The following BTRC variants were observed in gnomAD, a reference collection of about 807,000 sequenced individuals.
BTRC encodes beta-transducin repeat containing E3 ubiquitin protein ligase.
In BTRC, 42 loss-of-function variants were observed where a neutral mutation model predicts 85.5. The observed-to-expected ratio is 0.49, with a 90% CI of 0.38 to 0.64. The LOEUF (loss-of-function observed/expected upper bound fraction) is 0.64, where lower values mean the gene tolerates loss of function less well. Ranked by LOEUF, BTRC falls within the 30% of genes least tolerant of loss-of-function variation. The pLI is 0.00. For missense variants in BTRC, 594 were observed against 743.5 expected, an observed-to-expected ratio of 0.80 and a Z score of 2.34; for synonymous variants, 255 against 263.3, an observed-to-expected ratio of 0.97 and a Z score of 0.30.
At chr10:101,380,421 A>G (rs1358303972) in intron 1 of BTRC, among the ~76,000 whole-genome samples, 2 of 151,980 alleles carry the variant, frequency 1.3e-5, no homozygotes, top group African/African-American at 2.4e-5. Context: ...CAAAAATGCA[A>G]ACTTGGGGAG....
intron 2 of BTRC, among the ~76,000 whole-genome samples, chr10:101,430,976 G>A (rs1944387097): frequency 6.7e-6 from 1 of 150,328 alleles, no homozygotes; most frequent in Non-Finnish European, 1.5e-5. Flanking sequence ...TTTCTAGGTG[G>A]AAAAACCTTT....
At chr10:101,402,911 C>T (rs1239040757) in intron 1 of BTRC, among the ~76,000 whole-genome samples, 1 of 152,108 alleles carries the variant, frequency 6.6e-6, no homozygotes, top group African/African-American at 2.4e-5. Context: ...ATAATGATAT[C>T]AGACTAGTAA....
chr10:101,413,151 G>GT (rs1943828895), intron 1 of BTRC, among the ~76,000 whole-genome samples: 1 of 152,116 alleles, frequency 6.6e-6, no homozygotes, highest in African/African-American at 2.4e-5. Flanking sequence ...TTGAGATGGA[G>GT]TCTTGCTCTG....
At chr10:101,423,630 G>A (rs1259855546) in intron 1 of BTRC, among the ~76,000 whole-genome samples, 4 of 152,114 alleles carry the variant, frequency 2.6e-5, no homozygotes, top group African/African-American at 7.2e-5. Flanking sequence ...TTGTCATTTA[G>A]GCACTATAAC....
At chr10:101,372,824 C>A (rs1222962954) in intron 1 of BTRC, among the ~76,000 whole-genome samples, 1 of 151,868 alleles carries the variant, frequency 6.6e-6, no homozygotes, top group Non-Finnish European at 1.5e-5. Flanking sequence ...CATGCCACTG[C>A]ACTGCAGCCT....
At chr10:101,364,558 T>C (rs1942308585) in intron 1 of BTRC, among the ~76,000 whole-genome samples, 1 of 152,206 alleles carries the variant, frequency 6.6e-6, no homozygotes, top group South Asian at 2.1e-4. Context: ...GGTGCTGATA[T>C]ATTTAGATGT....
At chr10:101,370,907 C>A (rs1195001387) in intron 1 of BTRC, among the ~76,000 whole-genome samples, 1 of 152,140 alleles carries the variant, frequency 6.6e-6, no homozygotes, top group African/African-American at 2.4e-5. Flanking sequence ...TATCTGCACA[C>A]ACAGACACAC....
chr10:101,500,022 TA>T (rs923586982), intron 4 of BTRC, among the ~76,000 whole-genome samples: 3 of 151,502 alleles, frequency 2.0e-5, no homozygotes, highest in African/African-American at 4.9e-5. Context: ...CATGAGCTCT[TA>T]ATAAAGTTTT....
intron 1 of BTRC, among the ~76,000 whole-genome samples, chr10:101,380,831 G>A (rs1942910193): frequency 1.3e-5 from 2 of 152,204 alleles, no homozygotes; most frequent in African/African-American, 2.4e-5. Flanking sequence ...AGGTGATTAA[G>A]TGGTTGTGTG....
chr10:101,518,721 G>A (rs956855486), intron 4 of BTRC, among the ~76,000 whole-genome samples: 1 of 152,058 alleles, frequency 6.6e-6, no homozygotes, highest in African/African-American at 2.4e-5. Flanking sequence ...ATCCCAGGCC[G>A]ACTGCCACCC....
intron 1 of BTRC, among the ~76,000 whole-genome samples, chr10:101,416,826 C>T (rs1943958537): frequency 6.6e-6 from 1 of 152,152 alleles, no homozygotes; most frequent in Admixed American, 6.5e-5. Context: ...TTCTCTCTCT[C>T]ATGGCTTCCA....
rs535656002 is a variant in BTRC, at chr10:101,387,528, CTTT to C, written c.48+33316_48+33318del. Among the ~76,000 whole-genome samples the C allele has an allele frequency of 1.6e-3, 70 of 45,090 alleles. 1 individual carries two copies. The highest frequency in any genetic ancestry group is 2.5e-3 in the South Asian group (2 of 816). 29.6% of individuals were successfully genotyped at this position (45,090 alleles called of 152,430 possible). On this transcript the variant is annotated intron_variant, in intron 1 of 14. Coordinates refer to ENST00000370187, the MANE Select transcript of BTRC (RefSeq NM_033637.4). ...TGTGGCTTTTTATACCTTCATGGGA[CTTT>C]TTTTTTTTTTTTTTTGAGATAGCCT...
At chr10:101,449,183 G>A (rs1944899970) in intron 2 of BTRC, among the ~76,000 whole-genome samples, 1 of 151,742 alleles carries the variant, frequency 6.6e-6, no homozygotes, top group Non-Finnish European at 1.5e-5. Context: ...AAGTTTAAAG[G>A]AATCTTAAAT....
chr10:101,362,916 A>G (rs554526911), intron 1 of BTRC, among the ~76,000 whole-genome samples: 6 of 152,244 alleles, frequency 3.9e-5, no homozygotes, highest in African/African-American at 1.4e-4. Context: ...TTGCATTATT[A>G]TATGTAATCT....
At chr10:101,532,711 A>C (rs2062305243) in intron 8 of BTRC, among the ~76,000 whole-genome samples, 1 of 151,260 alleles carries the variant, frequency 6.6e-6, no homozygotes, top group Non-Finnish European at 1.5e-5. Flanking sequence ...CCTGTTCCTT[A>C]ATGAAAAGGA....
intron 1 of BTRC, among the ~76,000 whole-genome samples, chr10:101,386,701 G>T (rs1426761608): frequency 2.0e-5 from 3 of 152,154 alleles, no homozygotes; most frequent in Non-Finnish European, 4.4e-5. Flanking sequence ...CTGAATTAGA[G>T]CCCACATTTC....
At chr10:101,435,872 T>C (rs1944515666) in intron 2 of BTRC, among the ~76,000 whole-genome samples, 1 of 152,116 alleles carries the variant, frequency 6.6e-6, no homozygotes, top group African/African-American at 2.4e-5. Context: ...TTCATGACTT[T>C]TTTTTTTTGA....
intron 4 of BTRC, among the ~76,000 whole-genome samples, chr10:101,505,391 G>A (rs1370389242): frequency 6.0e-5 from 9 of 150,154 alleles, no homozygotes; most frequent in African/African-American, 1.7e-4. Flanking sequence ...AGGCCGAGGC[G>A]GGCGGATCAT....
chr10:101,414,856 AATATGTTTGTGT>A (rs1379852898), intron 1 of BTRC, among the ~76,000 whole-genome samples: 1 of 151,782 alleles, frequency 6.6e-6, no homozygotes, highest in East Asian at 1.9e-4. Context: ...ACTGCTGTAC[AATATGTTTGTGT>A]TTTGAGCTAA....
Sources: gnomAD v4.1 joint callset for allele counts (sites outside exome capture counted in the v4.1 genomes callset) on GRCh38, gnomAD v4.1.1 for gene constraint, MANE v1.5 for transcripts, NCBI Gene and HGNC (gene_info 2026-07-23, HGNC 2026-07-21) for gene names.